SUSD1: variants seen among roughly 807,000 people sequenced by gnomAD.
SUSD1 encodes the protein sushi domain containing 1, also known as sushi domain-containing protein 1.
In SUSD1, 65 loss-of-function variants were observed where a neutral mutation model predicts 86.9. The ratio of observed to expected loss-of-function variants is 0.75; its 90% CI spans 0.61 to 0.92. The LOEUF is 0.92. Ranked by LOEUF, SUSD1 falls within the 40% of genes least tolerant of loss-of-function variation. The pLI is 0.00. For missense variants in SUSD1, 850 were observed against 929.7 expected (o/e 0.91, Z 1.11); for synonymous variants, 346 against 350.0 (o/e 0.99, Z 0.13).
At chr9:112,072,648 C>G (rs1477693139) in intron 12 of SUSD1, among the ~76,000 whole-genome samples, 1 of 152,084 alleles carries the variant, frequency 6.6e-6, no homozygotes, top group African/African-American at 2.4e-5. Context: ...TGGGAGACAC[C>G]CATCCCCACA....
intron 7 of SUSD1, 66 bp downstream of exon 7, chr9:112,112,705 C>T (rs1831155355): frequency 9.2e-7 from 1 of 1,087,374 alleles, no homozygotes; most frequent in African/African-American, 1.6e-5. Context: ...AAGCAAGTCC[C>T]TCTGACTCAT....
intron 1 of SUSD1, among the ~76,000 whole-genome samples, chr9:112,170,710 T>G (rs5899992): frequency 0.25 from 28,742 of 113,974 alleles, 3,554 homozygotes; most frequent in Middle Eastern, 0.36. Flanking sequence ...TATATATATA[T>G]AGAGAGAGAG....
At chr9:112,109,257 A>G (rs1230240017) in intron 8 of SUSD1, among the ~76,000 whole-genome samples, 2 of 152,246 alleles carry the variant, frequency 1.3e-5, no homozygotes, top group Non-Finnish European at 2.9e-5. Context: ...CTTTAAAAGA[A>G]GGGAATAATT....
chr9:112,163,308 A>G (rs1437073468), intron 1 of SUSD1, among the ~76,000 whole-genome samples: 2 of 151,714 alleles, frequency 1.3e-5, no homozygotes, highest in African/African-American at 4.8e-5. Flanking sequence ...GGCACATCCC[A>G]CCACACCTGG....
Position 112,155,248 on chromosome 9 carries a change from C to CA in SUSD1, c.217+2251dup, listed in dbSNP as rs745565121. ...TCTGGGTGACCGAGGGAGACGCCAT[C>CA]AAAAAAAAAAAAAAGTCAAAGGGCA... is the stretch of plus-strand genomic sequence containing the variant. On this transcript the variant is annotated intron_variant, in intron 2 of 16. Transcript: ENST00000374270. Among the ~76,000 whole-genome samples the CA allele has an allele frequency of 7.8e-3, 970 of 124,778 alleles. 4 individuals carry two copies. Among genetic ancestry groups the CA allele is most frequent in the African/African-American group, 0.021 (714 of 33,452 alleles). 81.9% of individuals were successfully genotyped at this position (124,778 alleles called of 152,430 possible). A position where few individuals can be genotyped will look rare whatever the true frequency, so the allele number is the denominator to read the frequency against.
At position 112,078,522 on chromosome 9, in the gene SUSD1, G is replaced by T. The variant is rs1829618873; in HGVS notation, c.1753+16C>A. 4 of 1,597,374 alleles carry T rather than the reference G, an allele frequency of 2.5e-6. No homozygotes were observed. Among genetic ancestry groups the T allele is most frequent in the Non-Finnish European group, 2.6e-6 (3 of 1,166,716 alleles). On this transcript the variant is annotated intron_variant, in intron 12 of 16. Coordinates refer to ENST00000374270, the MANE Select transcript of SUSD1 (RefSeq NM_022486.5). ...TGGTAACTTTGTTAATCCAAATGCTGTTATTCAAGATTTACCTGTTATCTG... is the reference window on the plus strand; with the variant it reads ...TGGTAACTTTGTTAATCCAAATGCTTTTATTCAAGATTTACCTGTTATCTG...
At chr9:112,059,893 T>C (rs1028981163) in intron 13 of SUSD1, among the ~76,000 whole-genome samples, 2 of 152,212 alleles carry the variant, frequency 1.3e-5, no homozygotes, top group Admixed American at 6.5e-5. Context: ...GACTGACTTG[T>C]ATTCTTGCAA....
At chr9:112,067,817 C>T (rs1044652662) in intron 12 of SUSD1, among the ~76,000 whole-genome samples, 5 of 151,986 alleles carry the variant, frequency 3.3e-5, no homozygotes, top group African/African-American at 1.2e-4. Flanking sequence ...CCCCCCAATC[C>T]CCCCACCCTA....
At chr9:112,152,850 G>A (rs1352002041) in intron 2 of SUSD1, among the ~76,000 whole-genome samples, 1 of 141,586 alleles carries the variant, frequency 7.1e-6, no homozygotes, top group Non-Finnish European at 1.5e-5. Context: ...AACCTCCTCG[G>A]CTCAAGGGAT....
rs779762373 is a variant in SUSD1 at position 112,142,329 on chromosome 9, G to T, written c.697C>A (p.His233Asn). 1 of 1,573,538 alleles carries T rather than the reference G, an allele frequency of 6.4e-7. No individual in the cohort carries two copies. Among genetic ancestry groups the T allele is most frequent in the Non-Finnish European group, 8.6e-7 (1 of 1,161,306 alleles). The change falls in exon 5 of 17, where the codon CAT (histidine) becomes AAT (asparagine). Residue 233 changes from histidine (H) to asparagine (N), a missense_variant. Physicochemically the swap from His to Asn is moderately conservative, Grantham distance 68 (BLOSUM62 1). Transcript: ENST00000374270. Reference protein sequence around the residue: ...GLGTWESPKLHCQEINCGNPP... With the variant: ...GLGTWESPKLNCQEINCGNPP... ...TTTTTTGAAAACTCACCTTGGCAAT[G>T]TAATTTTGGGGACTCCCATGTGCCC...
intron 15 of SUSD1, among the ~76,000 whole-genome samples, chr9:112,048,826 T>TCA (rs1828067473): frequency 6.6e-6 from 1 of 152,198 alleles, no homozygotes; most frequent in Non-Finnish European, 1.5e-5. Flanking sequence ...GAAATCCAGA[T>TCA]GGAAGTCGTC....
chr9:112,101,318 C>T (rs1380842575), intron 9 of SUSD1, among the ~76,000 whole-genome samples: 1 of 151,888 alleles, frequency 6.6e-6, no homozygotes, highest in African/African-American at 2.4e-5. Context: ...GCCAAGATCG[C>T]CTCCCTGCAC....
At chr9:112,154,034 G>A (rs1378310473) in intron 2 of SUSD1, among the ~76,000 whole-genome samples, 3 of 152,012 alleles carry the variant, frequency 2.0e-5, no homozygotes, top group Admixed American at 6.6e-5. Flanking sequence ...TGACAGCTAC[G>A]ACATCTCTAG....
intron 10 of SUSD1, among the ~76,000 whole-genome samples, chr9:112,088,651 T>C (rs1830079123): frequency 6.6e-6 from 1 of 151,850 alleles, no homozygotes; most frequent in Admixed American, 6.6e-5. Context: ...ATAACAAAAT[T>C]AGCCAAGCAT....
At chr9:112,120,821 C>G (rs538849278) in intron 6 of SUSD1, among the ~76,000 whole-genome samples, 26 of 152,294 alleles carry the variant, frequency 1.7e-4, no homozygotes, top group Middle Eastern at 3.4e-3. Flanking sequence ...GTGACTAATT[C>G]TTATACCCCC....
intron 12 of SUSD1, among the ~76,000 whole-genome samples, chr9:112,067,818 C>T (rs1829057902): frequency 6.6e-6 from 1 of 152,058 alleles, no homozygotes; most frequent in South Asian, 2.1e-4. Context: ...CCCCCAATCC[C>T]CCCACCCTAG....
At chr9:112,167,113 A>ATT (rs35987573) in intron 1 of SUSD1, among the ~76,000 whole-genome samples, 124,573 of 149,904 alleles carry the variant, frequency 0.83, 52,060 homozygotes, top group African/African-American at 0.93. Context: ...CAGTTCTCCA[A>ATT]TTTTTTTTTG....
At chr9:112,078,809 C>CTATTTTTTT in intron 11 of SUSD1, 85 bp from the exon 12 acceptor site, 2 of 829,702 alleles carry the variant, frequency 2.4e-6, no homozygotes, top group African/African-American at 2.4e-5. Context: ...CTTTTTCTTT[C>CTATTTTTTT]TCTTTTTTTT....
intron 3 of SUSD1, among the ~76,000 whole-genome samples, chr9:112,144,932 T>G (rs530175317): frequency 9.9e-5 from 15 of 152,252 alleles, no homozygotes; most frequent in South Asian, 4.1e-4. Flanking sequence ...CCCTCAGAAC[T>G]GACTTTAAAA....
Sources: gnomAD v4.1 joint callset for allele counts (sites outside exome capture counted in the v4.1 genomes callset) on GRCh38, gnomAD v4.1.1 for gene constraint, MANE v1.5 for transcripts, NCBI Gene and HGNC (gene_info 2026-07-23, HGNC 2026-07-21) for gene names.